The following SPRR2G variants were observed in gnomAD, a reference collection of about 807,000 sequenced individuals.
The protein encoded by SPRR2G is small proline rich protein 2G, also known as small proline-rich protein 2G.
SPRR2G carries 1 observed loss-of-function variant against 0.7 expected under a neutral mutation model. The ratio of observed to expected loss-of-function variants is 1.49; its 90% confidence interval spans 0.53 to 7.06. SPRR2G has a LOEUF of 7.06. Ranked by LOEUF, SPRR2G falls within the 30% of genes most tolerant of loss-of-function variation. The pLI is 0.14. For missense variants in SPRR2G, 96 were observed against 88.5 expected, an observed-to-expected ratio of 1.09 and a Z score of -0.34; for synonymous variants, 38 against 33.9, an observed-to-expected ratio of 1.12 and a Z score of -0.42.
chr1:153,151,609 G>T (rs1454553119), upstream of SPRR2G, among the ~76,000 whole-genome samples: 4 of 152,124 alleles, frequency 2.6e-5, no homozygotes, highest in Non-Finnish European at 5.9e-5. Context: ...GTGACTTGTG[G>T]TCTACTAGAA....
chr1:153,200,278 G>A, the SPRR2G span, among the ~76,000 whole-genome samples: 1 of 152,184 alleles, frequency 6.6e-6, no homozygotes, highest in African/African-American at 2.4e-5. Context: ...AAAATGCTAT[G>A]GAGAAGGGGT....
At chr1:153,168,663 G>A in the SPRR2G span, among the ~76,000 whole-genome samples, 1 of 152,038 alleles carries the variant, frequency 6.6e-6, no homozygotes, top group South Asian at 2.1e-4. Context: ...CTATGGAAAG[G>A]CATTGATACA....
the SPRR2G span, among the ~76,000 whole-genome samples, chr1:153,156,099 A>T: frequency 6.6e-6 from 1 of 152,268 alleles, no homozygotes; most frequent in East Asian, 1.9e-4. Flanking sequence ...TGTTAAAAAA[A>T]TAATGATTTT....
chr1:153,154,008 T>C (rs1402547120), upstream of SPRR2G, among the ~76,000 whole-genome samples: 1 of 152,134 alleles, frequency 6.6e-6, no homozygotes, highest in Non-Finnish European at 1.5e-5. Context: ...ACCTAATTCG[T>C]TGAGTGTTTT....
chr1:153,180,374 T>C, the SPRR2G span, among the ~76,000 whole-genome samples: 4 of 152,150 alleles, frequency 2.6e-5, no homozygotes, highest in East Asian at 7.7e-4. Context: ...TATGAACTCT[T>C]TGGTGCCTGG....
the SPRR2G span, among the ~76,000 whole-genome samples, chr1:153,185,756 C>CTTTTG: frequency 1.3e-5 from 2 of 152,110 alleles, no homozygotes; most frequent in African/African-American, 4.8e-5. Flanking sequence ...CTCCTGCTAG[C>CTTTTG]TTTTGAATTT....
chr1:153,166,879 A>C, the SPRR2G span, among the ~76,000 whole-genome samples: 1 of 110,268 alleles, frequency 9.1e-6, no homozygotes, highest in Non-Finnish European at 2.2e-5. Flanking sequence ...ATTTGAGGGC[A>C]GTTAAAAGAA....
At chr1:153,163,271 G>A in the SPRR2G span, among the ~76,000 whole-genome samples, 1 of 152,168 alleles carries the variant, frequency 6.6e-6, no homozygotes, top group African/African-American at 2.4e-5. Flanking sequence ...TGATAAAAAT[G>A]GAGCTGAGGG....
chr1:153,156,520 G>A, the SPRR2G span, among the ~76,000 whole-genome samples: 3 of 152,178 alleles, frequency 2.0e-5, no homozygotes, highest in Admixed American at 1.3e-4. Context: ...TGTGACAGAG[G>A]TAGTAGAATA....
At chr1:153,198,798 G>T in the SPRR2G span, among the ~76,000 whole-genome samples, 1 of 152,178 alleles carries the variant, frequency 6.6e-6, no homozygotes, top group Non-Finnish European at 1.5e-5. Context: ...AAAGCTCAGG[G>T]AAGAGGGTGG....
At chr1:153,168,770 G>A in the SPRR2G span, among the ~76,000 whole-genome samples, 1 of 152,114 alleles carries the variant, frequency 6.6e-6, no homozygotes, top group Non-Finnish European at 1.5e-5. Flanking sequence ...TAAAACCTGA[G>A]AAGGAAGATG....
At chr1:153,179,703 T>C in the SPRR2G span, among the ~76,000 whole-genome samples, 1 of 146,302 alleles carries the variant, frequency 6.8e-6, no homozygotes, top group South Asian at 2.1e-4. Context: ...CTTAAGCTTA[T>C]TATCACTTCT....
Position 153,149,775 on chromosome 1 carries a change from A to G in SPRR2G, c.*114T>C, listed in dbSNP as rs1174523289. On this transcript the variant is annotated 3_prime_UTR_variant, in exon 2 of 2. Coordinates refer to ENST00000368748, the MANE Select transcript of SPRR2G (RefSeq NM_001014291.4). ...CTCTGTCAACGCTCAAGCCAGACAG[A>G]GGTTAGGGAAGATGCAGCCTCCCAC... 8 of 1,322,394 alleles carry G rather than the reference A, an allele frequency of 6.0e-6. No homozygotes were observed. Among genetic ancestry groups the G allele is most frequent in the Admixed American group, 3.8e-5 (2 of 52,410 alleles). 81.9% of individuals were successfully genotyped at this position (1,322,394 alleles called of 1,614,324 possible).
the SPRR2G span, among the ~76,000 whole-genome samples, chr1:153,186,216 G>A: frequency 2.6e-5 from 4 of 152,216 alleles, no homozygotes; most frequent in Non-Finnish European, 4.4e-5. Flanking sequence ...GAGTTCTGTA[G>A]ATGTCTATTA....
At chr1:153,197,864 T>C in the SPRR2G span, among the ~76,000 whole-genome samples, 168 of 152,332 alleles carry the variant, frequency 1.1e-3, no homozygotes, top group African/African-American at 3.8e-3. Flanking sequence ...ACCATTGAAA[T>C]ATTATTCCAT....
chr1:153,190,655 A>G, the SPRR2G span: 1 of 152,240 alleles, frequency 6.6e-6, no homozygotes, highest in Non-Finnish European at 1.5e-5. Context: ...AACTTCATTA[A>G]CGTTTCTAGG....
At chr1:153,156,869 T>C in the SPRR2G span, among the ~76,000 whole-genome samples, 1 of 152,192 alleles carries the variant, frequency 6.6e-6, no homozygotes, top group Non-Finnish European at 1.5e-5. Flanking sequence ...ACGTCAGTAT[T>C]TAAATTGATT....
chr1:153,176,107 T>G, the SPRR2G span: 1 of 151,978 alleles, frequency 6.6e-6, no homozygotes, highest in South Asian at 2.1e-4. Flanking sequence ...TTCTCTTTCC[T>G]CCTAGAAATG....
At chr1:153,197,786 T>TA in the SPRR2G span, among the ~76,000 whole-genome samples, 948 of 152,084 alleles carry the variant, frequency 6.2e-3, 12 homozygotes, top group African/African-American at 0.022. Flanking sequence ...ATATAGAAGA[T>TA]AAAAAATAAA....
Sources: allele counts gnomAD v4.1 joint callset (sites outside exome capture counted in the v4.1 genomes callset), GRCh38; gene constraint gnomAD v4.1.1; transcripts MANE v1.5; gene names NCBI Gene and HGNC (gene_info 2026-07-23, HGNC 2026-07-21).